The following SYN3 variants were observed in gnomAD, a reference collection of about 807,000 sequenced individuals.
The protein encoded by SYN3 is synapsin III.
A neutral mutation model predicts 65.8 loss-of-function variants in SYN3; 35 were observed. The observed-to-expected ratio is 0.53, with a 90% CI of 0.41 to 0.70. The LOEUF is 0.70. Ranked by LOEUF, SYN3 falls within the 30% of genes least tolerant of loss-of-function variation. SYN3 has a pLI of 0.00. For missense variants in SYN3, 680 were observed against 749.0 expected, an observed-to-expected ratio of 0.91 and a Z score of 1.08; for synonymous variants, 270 against 292.9, an observed-to-expected ratio of 0.92 and a Z score of 0.80.
chr22:32,743,201 A>C (rs1205249451), intron 6 of SYN3, among the ~76,000 whole-genome samples: 11 of 152,326 alleles, frequency 7.2e-5, no homozygotes, highest in Middle Eastern at 6.8e-3. Flanking sequence ...TGGGAAATCT[A>C]GGAAGTTGCC....
At chr22:32,915,567 T>G (rs984520482) in intron 4 of SYN3, among the ~76,000 whole-genome samples, 1 of 152,144 alleles carries the variant, frequency 6.6e-6, no homozygotes, top group Non-Finnish European at 1.5e-5. Context: ...GGGAGAGCCA[T>G]GTTAATATCT....
chr22:32,769,897 G>A (rs972122800), intron 6 of SYN3, among the ~76,000 whole-genome samples: 3 of 152,078 alleles, frequency 2.0e-5, no homozygotes, highest in African/African-American at 7.2e-5. Context: ...ATCTCATTCA[G>A]TCTCATGACT....
chr22:32,757,057 T>TGGG (rs112462843), intron 6 of SYN3, among the ~76,000 whole-genome samples: 76 of 148,434 alleles, frequency 5.1e-4, no homozygotes, highest in African/African-American at 9.2e-4. Flanking sequence ...CACTTTTTTT[T>TGGG]GAGGGGGGGT....
chr22:33,045,335 T>G (rs1197781643), intron 1 of SYN3, among the ~76,000 whole-genome samples: 1 of 152,154 alleles, frequency 6.6e-6, no homozygotes, highest in Non-Finnish European at 1.5e-5. Flanking sequence ...TGGGAGCCAC[T>G]TGAGGATAGA....
Position 32,591,007 on chromosome 22 carries a change from C to A in SYN3, c.774+5667G>T, listed in dbSNP as rs566277708. On this transcript the variant is annotated intron_variant, in intron 7 of 13. Transcript: ENST00000358763. ...TTCTGGTGTGCCCACTTGTTTCAGG[C>A]ACTGAGCTATGTGCTTGACATATAT... Among the ~76,000 whole-genome samples the A allele has an allele frequency of 5.3e-5, 8 of 152,332 alleles. No homozygotes were observed. In the South Asian group the frequency reaches 1.4e-3, roughly 28 times the overall value.
At chr22:32,662,771 G>C (rs1454338757) in intron 6 of SYN3, among the ~76,000 whole-genome samples, 1 of 152,200 alleles carries the variant, frequency 6.6e-6, no homozygotes, top group Non-Finnish European at 1.5e-5. Flanking sequence ...GAGCCACACT[G>C]AATTCTTAGC....
intron 4 of SYN3, among the ~76,000 whole-genome samples, chr22:32,924,876 G>A (rs943412949): frequency 1.5e-4 from 23 of 152,198 alleles, no homozygotes; most frequent in African/African-American, 2.2e-4. Context: ...AGGATCGCTT[G>A]AGCTCAGGAG....
chr22:32,987,358 G>A (rs1292838528), intron 2 of SYN3, among the ~76,000 whole-genome samples: 1 of 152,160 alleles, frequency 6.6e-6, no homozygotes, highest in Non-Finnish European at 1.5e-5. Flanking sequence ...TCACGTGGCA[G>A]GCTGGATGGG....
intron 6 of SYN3, among the ~76,000 whole-genome samples, chr22:32,703,249 T>C (rs1841493046): frequency 6.6e-6 from 1 of 152,180 alleles, no homozygotes; most frequent in Non-Finnish European, 1.5e-5. Flanking sequence ...ATTAGAGCAG[T>C]TAAATGGTCT....
intron 6 of SYN3, among the ~76,000 whole-genome samples, chr22:32,608,229 A>G (rs1028265690): frequency 2.6e-5 from 4 of 152,088 alleles, no homozygotes; most frequent in African/African-American, 9.7e-5. Context: ...CACCACGCCC[A>G]GCTAATTTTT....
rs73158330 is a variant in SYN3, at chr22:32,827,422, G to T, written c.711+37493C>A. ...GGAACACAGTTCCAAATACCCTGGT[G>T]CCAGTCCCTGCAAGCTCCTACTTGT... On this transcript the variant is annotated intron_variant, in intron 6 of 13. Transcript: ENST00000358763. Among the ~76,000 whole-genome samples the T allele has an allele frequency of 3.5e-3, 530 of 152,306 alleles. 4 individuals are homozygous for T. Among genetic ancestry groups the T allele is most frequent in the South Asian group, 5.2e-3 (25 of 4,828 alleles).
chr22:32,735,549 TC>T (rs1303408129), intron 6 of SYN3, among the ~76,000 whole-genome samples: 1 of 152,116 alleles, frequency 6.6e-6, no homozygotes, highest in African/African-American at 2.4e-5. Flanking sequence ...GTTTGTTTTT[TC>T]CCCCAGCTTC....
chr22:32,834,597 T>C (rs1336681174), intron 6 of SYN3, among the ~76,000 whole-genome samples: 1 of 152,210 alleles, frequency 6.6e-6, no homozygotes, highest in Admixed American at 6.5e-5. Context: ...TGGCTGGTGC[T>C]GTGTATGTTT....
At chr22:32,824,969 G>A (rs1323632300) in intron 6 of SYN3, among the ~76,000 whole-genome samples, 3 of 152,166 alleles carry the variant, frequency 2.0e-5, no homozygotes, top group Non-Finnish European at 4.4e-5. Flanking sequence ...TGACATAAAC[G>A]ATTAGGCTCT....
At chr22:32,817,730 A>G (rs185403614) in intron 6 of SYN3, among the ~76,000 whole-genome samples, 6 of 152,330 alleles carry the variant, frequency 3.9e-5, no homozygotes, top group Non-Finnish European at 5.9e-5. Flanking sequence ...TTTAAATCCT[A>G]GGATCTTGTT....
chr22:32,802,466 C>T (rs1156278003), intron 6 of SYN3, among the ~76,000 whole-genome samples: 1 of 151,504 alleles, frequency 6.6e-6, no homozygotes, highest in Non-Finnish European at 1.5e-5. Context: ...GGAAAGGGTT[C>T]CCAAAACTTG....
rs115276308 is a variant in SYN3, at chr22:32,579,396, T to C, written c.774+17278A>G. 3.8e-3 allele frequency among the ~76,000 whole-genome samples: 581 copies of C among 152,276 alleles called. 5 individuals are homozygous for C. Among genetic ancestry groups the C allele is most frequent in the African/African-American group, 0.013 (551 of 41,552 alleles). On this transcript the variant is annotated intron_variant, in intron 7 of 13. Transcript: ENST00000358763. ...AGATCAGTGTCTGATGAGGGCTTTA[T>C]AGATGGTGACTTTTGCTGCATTCTC... is the stretch of plus-strand genomic sequence containing the variant.
chr22:32,979,346 A>C (rs2052305336), intron 3 of SYN3, among the ~76,000 whole-genome samples: 1 of 152,196 alleles, frequency 6.6e-6, no homozygotes, highest in Non-Finnish European at 1.5e-5. Context: ...AATATTTGCA[A>C]AATGAACAAA....
intron 8 of SYN3, among the ~76,000 whole-genome samples, chr22:32,541,318 C>T (rs569432144): frequency 1.5e-4 from 23 of 152,328 alleles, no homozygotes; most frequent in African/African-American, 5.3e-4. Context: ...TGTGTATGTG[C>T]AGTTCCCTAG....
Sources: gnomAD v4.1 joint callset for allele counts (sites outside exome capture counted in the v4.1 genomes callset) on GRCh38, gnomAD v4.1.1 for gene constraint, MANE v1.5 for transcripts, NCBI Gene and HGNC (gene_info 2026-07-23, HGNC 2026-07-21) for gene names.